The following ULK4 variants were observed in gnomAD, a reference collection of about 807,000 sequenced individuals.
ULK4 encodes inactive serine/threonine-protein kinase ULK4.
A neutral mutation model predicts 160.6 loss-of-function variants in ULK4; 133 were observed. The ratio of observed to expected loss-of-function variants is 0.83; its 90% CI spans 0.72 to 0.96. ULK4 has a LOEUF of 0.96. Ranked by LOEUF, ULK4 falls within the 40% of genes least tolerant of loss-of-function variation. ULK4 has a pLI of 0.00. For synonymous variants in ULK4, 534 were observed against 539.8 expected (o/e 0.99, Z 0.15); for missense variants, 1,580 against 1,499.5 (o/e 1.05, Z -0.89).
chr3:41,739,936 T>G (rs893243790), intron 22 of ULK4, among the ~76,000 whole-genome samples: 18 of 151,944 alleles, frequency 1.2e-4, no homozygotes, highest in African/African-American at 4.4e-4. Flanking sequence ...AATTAACTAT[T>G]ATATATGATG....
intron 30 of ULK4, among the ~76,000 whole-genome samples, chr3:41,646,413 G>A (rs1475611691): frequency 6.6e-6 from 1 of 152,146 alleles, no homozygotes; most frequent in African/African-American, 2.4e-5. Context: ...GTCAGCATTT[G>A]CTTGTCTGTA....
chr3:41,542,165 G>A (rs912811305), intron 32 of ULK4, among the ~76,000 whole-genome samples: 1 of 152,168 alleles, frequency 6.6e-6, no homozygotes, highest in Non-Finnish European at 1.5e-5. Context: ...GTCATAAACA[G>A]CTGTTATTAT....
At chr3:41,704,388 G>C (rs983200251) in intron 27 of ULK4, among the ~76,000 whole-genome samples, 1 of 152,204 alleles carries the variant, frequency 6.6e-6, no homozygotes, top group African/African-American at 2.4e-5. Flanking sequence ...AGCTTCTAGG[G>C]AAAGCCACTG....
intron 19 of ULK4, among the ~76,000 whole-genome samples, chr3:41,805,207 T>C (rs1279056035): frequency 2.0e-5 from 3 of 152,248 alleles, no homozygotes; most frequent in African/African-American, 7.2e-5. Flanking sequence ...ACGTCCCTTG[T>C]AAGTTGGATT....
Position 41,373,558 on chromosome 3 carries a change from G to C in ULK4, c.3678+24521C>G, listed in dbSNP as rs907523333. On this transcript the variant is annotated intron_variant, in intron 35 of 36. Transcript: ENST00000301831. ...ACTACTCAGTAAATAGCAAAATTAA[G>C]GCAGAAATAAAGAAGTTCTTTGAAA... Among the ~76,000 whole-genome samples the C allele has an allele frequency of 3.9e-5, 6 of 152,074 alleles. 1 individual carries two copies. Among genetic ancestry groups the C allele is most frequent in the East Asian group, 3.9e-4 (2 of 5,194 alleles).
At chr3:41,756,353 GC>G (rs1314039569) in intron 21 of ULK4, among the ~76,000 whole-genome samples, 2 of 152,192 alleles carry the variant, frequency 1.3e-5, no homozygotes, top group Middle Eastern at 6.8e-3. Context: ...CTCTGTAAGA[GC>G]AAATATAACT....
chr3:41,867,446 ACTG>A (rs1696936166), intron 17 of ULK4, among the ~76,000 whole-genome samples: 2 of 152,206 alleles, frequency 1.3e-5, no homozygotes, highest in Admixed American at 6.5e-5. Context: ...ATTCTGGCTC[ACTG>A]CTAACTCCGC....
chr3:41,693,982 T>C (rs1396277913), intron 27 of ULK4, among the ~76,000 whole-genome samples: 2 of 152,214 alleles, frequency 1.3e-5, no homozygotes, highest in African/African-American at 4.8e-5. Flanking sequence ...CCAGTGTTGC[T>C]TGGAGATGAC....
chr3:41,661,998 T>C (rs940961745), intron 30 of ULK4, among the ~76,000 whole-genome samples: 6 of 152,086 alleles, frequency 3.9e-5, no homozygotes, highest in African/African-American at 1.4e-4. Context: ...CAAAGTTACA[T>C]TTAAAAAAGT....
intron 35 of ULK4, among the ~76,000 whole-genome samples, chr3:41,267,022 G>C: frequency 6.9e-6 from 1 of 144,876 alleles, no homozygotes; most frequent in South Asian, 2.3e-4. Context: ...CTCTATTGGG[G>C]GGGGGGGGTT....
intron 34 of ULK4, among the ~76,000 whole-genome samples, chr3:41,425,361 T>C (rs930841610): frequency 2.0e-5 from 3 of 152,106 alleles, no homozygotes; most frequent in African/African-American, 7.2e-5. Flanking sequence ...TGGAACCAAG[T>C]TGGGAAACAT....
At chr3:41,253,949 A>G (rs576341058) in intron 35 of ULK4, among the ~76,000 whole-genome samples, 1 of 152,354 alleles carries the variant, frequency 6.6e-6, no homozygotes, top group South Asian at 2.1e-4. Context: ...AAGAAGACAT[A>G]ACAATAAATG....
chr3:41,251,214 T>C (rs1300865696), intron 35 of ULK4: 2 of 152,218 alleles, frequency 1.3e-5, no homozygotes, highest in Non-Finnish European at 2.9e-5. Context: ...CTGACATAAA[T>C]GTAGACATAA....
intron 34 of ULK4, among the ~76,000 whole-genome samples, chr3:41,421,104 G>A (rs2082655221): frequency 7.0e-6 from 1 of 142,890 alleles, no homozygotes; most frequent in Non-Finnish European, 1.5e-5. Context: ...ACAAATAAGT[G>A]AGACCCCATC....
chr3:41,750,085 C>A (rs1195868413), intron 22 of ULK4, among the ~76,000 whole-genome samples: 7 of 152,190 alleles, frequency 4.6e-5, no homozygotes, highest in African/African-American at 1.4e-4. Flanking sequence ...AGAATCTCAG[C>A]ACCAGCCAAC....
At chr3:41,578,090 G>A (rs780258374) in intron 31 of ULK4, among the ~76,000 whole-genome samples, 1 of 152,144 alleles carries the variant, frequency 6.6e-6, no homozygotes, top group Non-Finnish European at 1.5e-5. Context: ...AATACTTTTT[G>A]GATCTAATAG....
At chr3:41,376,751 C>A (rs1343873325) in intron 35 of ULK4, among the ~76,000 whole-genome samples, 2 of 150,174 alleles carry the variant, frequency 1.3e-5, no homozygotes, top group Non-Finnish European at 2.9e-5. Flanking sequence ...AAGAACACTC[C>A]ATGTTCATGG....
intron 35 of ULK4, among the ~76,000 whole-genome samples, chr3:41,279,738 C>G (rs527413993): frequency 1.3e-3 from 200 of 152,244 alleles, no homozygotes; most frequent in African/African-American, 4.5e-3. Flanking sequence ...GAAATAAAAT[C>G]CTTTACAAAC....
Position 41,786,169 on chromosome 3 carries a change from G to A in ULK4, c.2193+3492C>T, listed in dbSNP as rs186958014. The stretch of plus-strand genomic sequence containing the variant: ...CACTAAAACTATCCCAAATTACTGC[G>A]TTTTGTTTATTATCAGCCCCTCCTG... On this transcript the variant is annotated intron_variant, in intron 21 of 36. Coordinates refer to ENST00000301831, the MANE Select transcript of ULK4 (RefSeq NM_017886.4). 1.1e-3 allele frequency among the ~76,000 whole-genome samples: 170 copies of A among 152,138 alleles called. 1 individual carries two copies. The highest frequency in any genetic ancestry group is 3.7e-3 in the African/African-American group (153 of 41,510).
Sources: gnomAD v4.1 joint callset for allele counts (sites outside exome capture counted in the v4.1 genomes callset) on GRCh38, gnomAD v4.1.1 for gene constraint, MANE v1.5 for transcripts, NCBI Gene and HGNC (gene_info 2026-07-23, HGNC 2026-07-21) for gene names.